AEBP2: variants seen among roughly 807,000 people sequenced by gnomAD.
The protein encoded by AEBP2 is AE binding protein 2.
Under a neutral mutation model 50.8 loss-of-function variants are expected in AEBP2, and 10 were observed. The ratio of observed to expected loss-of-function variants is 0.20; its 90% CI spans 0.12 to 0.33. The LOEUF (loss-of-function observed/expected upper bound fraction) is 0.33. Ranked by LOEUF, AEBP2 falls within the 10% of genes least tolerant of loss-of-function variation. The probability of loss-of-function intolerance (pLI) is 1.00; values close to 1 mark genes in which losing one functional copy is unlikely to be tolerated. For synonymous variants in AEBP2, 296 were observed against 261.3 expected, an observed-to-expected ratio of 1.13 and a Z score of -1.28; for missense variants, 570 against 688.0, an observed-to-expected ratio of 0.83 and a Z score of 1.92.
intron 1 of AEBP2, among the ~76,000 whole-genome samples, chr12:19,423,795 T>C (rs1386216279): frequency 6.6e-6 from 1 of 151,840 alleles, no homozygotes; most frequent in Non-Finnish European, 1.5e-5. Context: ...GAGCCGAGAT[T>C]GCGCCACTGC....
At chr12:19,510,022 A>G (rs534064565) in intron 5 of AEBP2, among the ~76,000 whole-genome samples, 4 of 151,932 alleles carry the variant, frequency 2.6e-5, no homozygotes, top group South Asian at 2.1e-4. Context: ...TAGTAGAGAT[A>G]GGGTTTCACC....
chr12:19,512,764 G>A (rs1342504391), intron 6 of AEBP2, among the ~76,000 whole-genome samples: 4 of 151,488 alleles, frequency 2.6e-5, no homozygotes, highest in Non-Finnish European at 2.9e-5. Context: ...CCTGGCCAAC[G>A]TGGTAAAACC....
intron 1 of AEBP2, among the ~76,000 whole-genome samples, chr12:19,418,431 A>G (rs1015421273): frequency 7.9e-6 from 1 of 127,132 alleles, no homozygotes; most frequent in African/African-American, 3.0e-5. Flanking sequence ...AGGTCTCACC[A>G]TATTGCCCAG....
intron 4 of AEBP2, among the ~76,000 whole-genome samples, chr12:19,494,201 A>G (rs536692859): frequency 6.6e-6 from 1 of 152,196 alleles, no homozygotes; most frequent in African/African-American, 2.4e-5. Context: ...GTATAAAATT[A>G]GATTTGGGGG....
Position 19,439,971 on chromosome 12 carries a change from G to C in AEBP2, c.272G>C (p.Ser91Thr). 1 of 1,522,920 alleles carries C rather than the reference G, an allele frequency of 6.6e-7. No homozygotes were observed. The highest frequency in any genetic ancestry group is 8.8e-7 in the Non-Finnish European group (1 of 1,141,444). 94.3% of individuals were successfully genotyped at this position (1,522,920 alleles called of 1,614,324 possible). The part of the protein sequence containing the change: ...TMSEPSPESA[S>T]QAGEDEDEEE... The stretch of plus-strand genomic sequence containing the variant: ...TCGGAGCCGAGCCCCGAGAGCGCCA[G>C]CCAGGCCGGGGAGGACGAAGACGAG... Residue 91 changes from serine (S) to threonine (T), a missense_variant, in exon 1 of 8, where the codon AGC becomes ACC. Physicochemically the swap from Ser to Thr is moderately conservative, Grantham distance 58 (BLOSUM62 1). Around this residue, in one of 2 missense-constraint regions of AEBP2, gnomAD observed 386 missense variants for 336.8 expected, o/e 1.15. Transcript: ENST00000266508.
At chr12:19,460,780 G>C (rs141577205) in intron 1 of AEBP2, among the ~76,000 whole-genome samples, 2 of 151,614 alleles carry the variant, frequency 1.3e-5, no homozygotes, top group Non-Finnish European at 2.9e-5. Flanking sequence ...TCAGTCTCCC[G>C]AGTAGCTGGG....
chr12:19,516,229 T>G (rs1949316105), intron 7 of AEBP2, among the ~76,000 whole-genome samples: 1 of 152,240 alleles, frequency 6.6e-6, no homozygotes, highest in African/African-American at 2.4e-5. Context: ...TACGAGTTAC[T>G]TCTCTATAAA....
chr12:19,452,500 TTTTC>T (rs989333091), intron 1 of AEBP2, among the ~76,000 whole-genome samples: 4 of 152,064 alleles, frequency 2.6e-5, no homozygotes, highest in Admixed American at 1.3e-4. Context: ...ATGGTTTTCT[TTTTC>T]TTTTTTTTTT....
intron 3 of AEBP2, among the ~76,000 whole-genome samples, chr12:19,482,345 G>A (rs761205195): frequency 2.0e-5 from 3 of 152,126 alleles, no homozygotes; most frequent in African/African-American, 7.2e-5. Flanking sequence ...GGTGGTGTTC[G>A]GTTGTAGATA....
At chr12:19,491,716 ATTT>A (rs542605910) in intron 3 of AEBP2, among the ~76,000 whole-genome samples, 3 of 148,972 alleles carry the variant, frequency 2.0e-5, no homozygotes, top group South Asian at 4.3e-4. Context: ...AGAATGTGTG[ATTT>A]TTTTTTTTAT....
At chr12:19,492,596 TAA>T in intron 3 of AEBP2, among the ~76,000 whole-genome samples, 1 of 151,722 alleles carries the variant, frequency 6.6e-6, no homozygotes, top group Middle Eastern at 3.4e-3. Flanking sequence ...CAAAATAAAA[TAA>T]AAAAAATTTA....
chr12:19,492,927 G>T (rs118012538), intron 3 of AEBP2, among the ~76,000 whole-genome samples: 5,168 of 152,176 alleles, frequency 0.034, 123 homozygotes, highest in Middle Eastern at 0.051. Context: ...AGTGAGCCGA[G>T]ATCATGCCAC....
chr12:19,494,669 C>A (rs1814144744), intron 4 of AEBP2, among the ~76,000 whole-genome samples: 1 of 151,786 alleles, frequency 6.6e-6, no homozygotes, highest in Non-Finnish European at 1.5e-5. Flanking sequence ...TGTGAGCCAC[C>A]ACACCCAGCC....
chr12:19,514,655 G>C lies in AEBP2; in HGVS notation c.1368-16G>C, dbSNP rs769943582. On this transcript the variant is annotated splice_polypyrimidine_tract_variant and intron_variant, in intron 6 of 7. Transcript: ENST00000266508. Reference sequence around the variant, plus strand: ...ATTAATGTTACTTTATTATTGACTTGTTTTTTAATTCATAGTCTGCCTGAT... The same window carrying C: ...ATTAATGTTACTTTATTATTGACTTCTTTTTTAATTCATAGTCTGCCTGAT... 1 of 1,556,114 alleles carries C rather than the reference G, an allele frequency of 6.4e-7. No individual in the cohort carries two copies. Among genetic ancestry groups the C allele is most frequent in the South Asian group, 1.2e-5 (1 of 83,776 alleles).
intron 1 of AEBP2, among the ~76,000 whole-genome samples, chr12:19,421,412 G>T (rs2095745763): frequency 1.3e-5 from 2 of 151,478 alleles, no homozygotes; most frequent in Non-Finnish European, 2.9e-5. Context: ...CAGTATTTTG[G>T]CAGGCTGAGG....
At chr12:19,449,115 A>AG (rs1948123835) in intron 1 of AEBP2, among the ~76,000 whole-genome samples, 1 of 152,212 alleles carries the variant, frequency 6.6e-6, no homozygotes, top group Non-Finnish European at 1.5e-5. Flanking sequence ...GAATGACAGT[A>AG]GTCATTCTTG....
At chr12:19,487,714 T>G (rs1948831711) in intron 3 of AEBP2, among the ~76,000 whole-genome samples, 1 of 151,706 alleles carries the variant, frequency 6.6e-6, no homozygotes, top group Non-Finnish European at 1.5e-5. Flanking sequence ...AGACCCCACC[T>G]TAAAAAACAT....
At chr12:19,498,444 A>AGG (rs1354389237) in intron 4 of AEBP2, among the ~76,000 whole-genome samples, 4 of 152,250 alleles carry the variant, frequency 2.6e-5, no homozygotes, top group African/African-American at 9.6e-5. Context: ...CTGTTTGTTT[A>AGG]GGTATGTTCT....
At chr12:19,494,037 T>C (rs1305774929) in intron 4 of AEBP2, 51 bp downstream of exon 4, 4 of 1,503,174 alleles carry the variant, frequency 2.7e-6, no homozygotes, top group Admixed American at 2.3e-5. Context: ...TTAAAAGATA[T>C]CTTAGACTTT....
Sources: gnomAD v4.1 joint callset for allele counts (sites outside exome capture counted in the v4.1 genomes callset) on GRCh38, gnomAD v4.1.1 for gene constraint, gnomAD v4.1.1 regional missense constraint, MANE v1.5 for transcripts, NCBI Gene and HGNC (gene_info 2026-07-23, HGNC 2026-07-21) for gene names.